The following TENM3 variants were observed in gnomAD, a reference collection of about 807,000 sequenced individuals.
TENM3 encodes the protein teneurin-3.
Under a neutral mutation model 255.1 loss-of-function variants are expected in TENM3, and 63 were observed. The ratio of observed to expected loss-of-function variants is 0.25; its 90% CI spans 0.20 to 0.30. TENM3 has a LOEUF of 0.30. Among genes scored for constraint, TENM3 ranks in the 10% least tolerant of loss-of-function variants. TENM3 has a pLI of 1.00. For missense variants in TENM3, 2,929 were observed against 3,461.1 expected, an observed-to-expected ratio of 0.85 and a Z score of 3.86; for synonymous variants, 1,306 against 1,322.3, an observed-to-expected ratio of 0.99 and a Z score of 0.27.
the TENM3 span, among the ~76,000 whole-genome samples, chr4:182,114,732 C>A: frequency 6.6e-6 from 1 of 152,272 alleles, no homozygotes. Flanking sequence ...AGAGATAACA[C>A]TAGGTTTGTG....
intron 1 of TENM3, among the ~76,000 whole-genome samples, chr4:182,160,685 G>C (rs1016190641): frequency 1.3e-5 from 2 of 152,300 alleles, no homozygotes; most frequent in Admixed American, 1.3e-4. Flanking sequence ...GCTGGGATGG[G>C]ACATGGGGAA....
chr4:181,871,045 T>G, the TENM3 span, among the ~76,000 whole-genome samples: 1 of 152,108 alleles, frequency 6.6e-6, no homozygotes, highest in South Asian at 2.1e-4. Context: ...ATTGAATAGC[T>G]TTTGAATTTT....
At chr4:182,297,116 A>G (rs1254421830) in intron 1 of TENM3, among the ~76,000 whole-genome samples, 2 of 152,200 alleles carry the variant, frequency 1.3e-5, no homozygotes, top group East Asian at 1.9e-4. Flanking sequence ...AAAATAGTTT[A>G]TGGAGAACAG....
At chr4:182,404,192 C>A (rs1769397576) in intron 3 of TENM3, among the ~76,000 whole-genome samples, 1 of 152,146 alleles carries the variant, frequency 6.6e-6, no homozygotes, top group Non-Finnish European at 1.5e-5. Flanking sequence ...ACAGCCTTTA[C>A]TTTCTCCAGT....
At chr4:182,452,588 T>G (rs1029263333) in intron 3 of TENM3, among the ~76,000 whole-genome samples, 1 of 152,216 alleles carries the variant, frequency 6.6e-6, no homozygotes, top group African/African-American at 2.4e-5. Context: ...AATTTTTTGC[T>G]GGATCACTTT....
At chr4:182,533,685 G>A (rs1009379662) in intron 3 of TENM3, among the ~76,000 whole-genome samples, 1 of 152,084 alleles carries the variant, frequency 6.6e-6, no homozygotes, top group African/African-American at 2.4e-5. Flanking sequence ...GGAGGCCAAG[G>A]CAGGTGGATC....
chr4:182,058,669 G>A, the TENM3 span, among the ~76,000 whole-genome samples: 1 of 151,934 alleles, frequency 6.6e-6, no homozygotes, highest in Non-Finnish European at 1.5e-5. Context: ...CTCTTCAATT[G>A]AATAAAGAAA....
At chr4:181,909,321 T>C in the TENM3 span, among the ~76,000 whole-genome samples, 2 of 152,220 alleles carry the variant, frequency 1.3e-5, no homozygotes, top group Admixed American at 1.3e-4. Flanking sequence ...AATAAACACC[T>C]TCTGTGGTAT....
intron 1 of TENM3, among the ~76,000 whole-genome samples, chr4:182,165,948 T>C (rs1038083652): frequency 6.6e-6 from 1 of 151,990 alleles, no homozygotes; most frequent in African/African-American, 2.4e-5. Context: ...CAGTCTAATT[T>C]TTTGTCTTTT....
intron 7 of TENM3, among the ~76,000 whole-genome samples, chr4:182,678,473 CTAAG>C (rs1433149947): frequency 6.6e-6 from 1 of 152,130 alleles, no homozygotes; most frequent in East Asian, 1.9e-4. Flanking sequence ...CTAACAATAA[CTAAG>C]TAAAGCCCAT....
chr4:181,643,152 T>G, the TENM3 span, among the ~76,000 whole-genome samples: 1 of 152,200 alleles, frequency 6.6e-6, no homozygotes, highest in Non-Finnish European at 1.5e-5. Context: ...AAATGTGGAA[T>G]GTTTTTCCGT....
chr4:182,620,013 T>G (rs538275112), intron 4 of TENM3, among the ~76,000 whole-genome samples: 26 of 152,358 alleles, frequency 1.7e-4, no homozygotes, highest in Middle Eastern at 3.4e-3. Context: ...AGAAAATTTC[T>G]GCCTTTATTC....
At chr4:181,571,666 T>G in the TENM3 span, among the ~76,000 whole-genome samples, 1 of 152,186 alleles carries the variant, frequency 6.6e-6, no homozygotes, top group East Asian at 1.9e-4. Flanking sequence ...TTACAACATT[T>G]TTTGTTATTG....
chr4:182,484,069 T>A (rs2151532605), intron 3 of TENM3, among the ~76,000 whole-genome samples: 1 of 152,200 alleles, frequency 6.6e-6, no homozygotes, highest in East Asian at 1.9e-4. Context: ...TTTCTTACTA[T>A]CAAGTTATTT....
At chr4:182,629,724 C>G (rs1274408967) in intron 5 of TENM3, among the ~76,000 whole-genome samples, 1 of 151,950 alleles carries the variant, frequency 6.6e-6, no homozygotes, top group East Asian at 1.9e-4. Flanking sequence ...CTCAGGTTTA[C>G]AAAGCAATTT....
chr4:182,699,341 T>C (rs748758458), intron 12 of TENM3, among the ~76,000 whole-genome samples: 4 of 152,228 alleles, frequency 2.6e-5, no homozygotes, highest in Non-Finnish European at 4.4e-5. Flanking sequence ...TTAGATGTCA[T>C]TGAAATATGC....
At chr4:182,224,840 A>C (rs1303517556) in intron 1 of TENM3, among the ~76,000 whole-genome samples, 1 of 151,352 alleles carries the variant, frequency 6.6e-6, no homozygotes, top group East Asian at 2.0e-4. Context: ...AGGTTCAAGC[A>C]ATTCTCCTGC....
At chr4:181,450,443 G>T in the TENM3 span, among the ~76,000 whole-genome samples, 1 of 152,200 alleles carries the variant, frequency 6.6e-6, no homozygotes, top group Admixed American at 6.5e-5. Context: ...TTTCTTCCTA[G>T]GGACAGAAGG....
At chr4:181,813,617 G>C in the TENM3 span, among the ~76,000 whole-genome samples, 3 of 152,170 alleles carry the variant, frequency 2.0e-5, no homozygotes, top group Admixed American at 2.0e-4. Flanking sequence ...ATACCAGTAA[G>C]GGATAGTCCA....
Sources: gnomAD v4.1 joint callset for allele counts (sites outside exome capture counted in the v4.1 genomes callset) on GRCh38, gnomAD v4.1.1 for gene constraint, MANE v1.5 for transcripts, NCBI Gene and HGNC (gene_info 2026-07-23, HGNC 2026-07-21) for gene names.